The following MB variants were observed in gnomAD, a reference collection of about 807,000 sequenced individuals.
MB encodes nitrite reductase MB.
In MB, 10 loss-of-function variants were observed where a neutral mutation model predicts 14.5. The ratio of observed to expected loss-of-function variants is 0.69; its 90% CI spans 0.43 to 1.17. The LOEUF (loss-of-function observed/expected upper bound fraction) is 1.17. Ranked by LOEUF, MB falls within the 50% of genes most tolerant of loss-of-function variation. MB has a pLI of 0.00. For missense variants in MB, 169 were observed against 192.7 expected, an observed-to-expected ratio of 0.88 and a Z score of 0.73; for synonymous variants, 89 against 78.6, an observed-to-expected ratio of 1.13 and a Z score of -0.70.
chr22:35,606,991 G>A lies in MB; in HGVS notation c.*306C>T, dbSNP rs762499159. ...TTGGATTTGGGGTTACAGCCAGTTTGGAGGTTGGAAGAAGTTCGGTTGGGA... is the reference window on the plus strand; with the variant it reads ...TTGGATTTGGGGTTACAGCCAGTTTAGAGGTTGGAAGAAGTTCGGTTGGGA... On this transcript the variant is annotated 3_prime_UTR_variant, in exon 3 of 3. Transcript: ENST00000397326. 5 of 267,380 alleles carry A rather than the reference G, an allele frequency of 1.9e-5. No individual in the cohort carries two copies. Among genetic ancestry groups the A allele is most frequent in the Admixed American group, 5.0e-5 (1 of 20,012 alleles). 16.6% of individuals were successfully genotyped at this position (267,380 alleles called of 1,614,324 possible).
chr22:35,617,431 C>G, upstream of MB: 1 of 601,798 alleles, frequency 1.7e-6, no homozygotes, highest in South Asian at 2.0e-5. Context: ...TTCACTTTCT[C>G]TCTCTCATCC....
At chr22:35,620,126 G>T (rs566905583), upstream of MB, among the ~76,000 whole-genome samples, 21 of 152,360 alleles carry the variant, frequency 1.4e-4, 1 homozygote, top group South Asian at 4.3e-3. Flanking sequence ...ACAAGGTCAA[G>T]AGATCGAGAC....
intron 1 of MB, among the ~76,000 whole-genome samples, chr22:35,612,919 A>G (rs1210551538): frequency 6.6e-6 from 1 of 152,122 alleles, no homozygotes; most frequent in Non-Finnish European, 1.5e-5. Context: ...AGCACACGCC[A>G]TACTCACCTG....
chr22:35,615,036 A>T (rs953405051), intron 1 of MB, among the ~76,000 whole-genome samples: 1 of 152,174 alleles, frequency 6.6e-6, no homozygotes, highest in Non-Finnish European at 1.5e-5. Flanking sequence ...CAGAATCTCC[A>T]AGTGACCTTC....
chr22:35,607,245 G>A lies in MB; in HGVS notation c.*52C>T, dbSNP rs112993677. 1.5e-5 allele frequency: 24 copies of A among 1,572,042 alleles called. No individual in the cohort carries two copies. The highest frequency in any genetic ancestry group is 9.0e-5 in the Admixed American group (5 of 55,638). ...ATATGGCTACACGAGATCAGACCCC[G>A]CTCTCTCTTGAACCCGGGGCCCAGA... On this transcript the variant is annotated 3_prime_UTR_variant, in exon 3 of 3. Transcript: ENST00000397326.
chr22:35,607,279 G>T lies in MB; in HGVS notation c.*18C>A. The T allele has an allele frequency of 1.2e-6, 2 of 1,606,078 alleles. No individual in the cohort carries two copies. The highest frequency in any genetic ancestry group is 3.4e-5 in the Admixed American group (2 of 59,686). On this transcript the variant is annotated 3_prime_UTR_variant, in exon 3 of 3. Transcript: ENST00000397326. Reference sequence around the variant, plus strand: ...TGAACCCGGGGCCCAGATGGGTGGGGGTGGGAGCGGCAGGGGCCTAGCCCT... The same window carrying T: ...TGAACCCGGGGCCCAGATGGGTGGGTGTGGGAGCGGCAGGGGCCTAGCCCT...
At chr22:35,615,059 T>C (rs1922964033) in intron 1 of MB, among the ~76,000 whole-genome samples, 1 of 152,184 alleles carries the variant, frequency 6.6e-6, no homozygotes, top group Non-Finnish European at 1.5e-5. Flanking sequence ...GCTTCTGTGT[T>C]CTAGAATTTT....
chr22:35,613,257 G>A (rs1192306038), intron 1 of MB, among the ~76,000 whole-genome samples: 1 of 152,222 alleles, frequency 6.6e-6, no homozygotes, highest in Admixed American at 6.5e-5. Context: ...GGCAGCTGGG[G>A]GTCTCAGACA....
In MB at chr22:35,607,462, G is replaced by A. The variant is rs763634557; in HGVS notation, c.319-19C>T. ...AGATGAACTGCAGGGAGGGTGAGGA[G>A]AGAAAATGGTCACCAGGGTGGGACA... On this transcript the variant is annotated intron_variant, in intron 2 of 2. Transcript: ENST00000397326. The A allele has an allele frequency of 4.3e-6, 7 of 1,610,494 alleles. No homozygotes were observed. Among genetic ancestry groups the A allele is most frequent in the East Asian group, 4.5e-5 (2 of 44,796 alleles).
rs7292 is a variant in MB, at chr22:35,610,998, G to T, written c.204C>A (p.Thr68=). ...GGATGCCACCCAGGGCGGTGAGCAC[G>T]GTGGCACCATGCTTCTTTAAGTCCT... ...ASEDLKKHGA[T]VLTALGGILK... The change falls in exon 2 of 3, where the codon ACC becomes ACA. Residue 68 remains threonine, a synonymous_variant. Transcript: ENST00000397326. 3 of 1,613,870 alleles carry T rather than the reference G, an allele frequency of 1.9e-6. No individual in the cohort carries two copies.
At chr22:35,615,544 A>T (rs1043600320) in intron 1 of MB, 1 of 152,148 alleles carries the variant, frequency 6.6e-6, no homozygotes, top group African/African-American at 2.4e-5. Context: ...CCTTGGAAAG[A>T]CCTCTGCTCT....
At chr22:35,615,934 G>A (rs981370311) in intron 1 of MB, among the ~76,000 whole-genome samples, 15 of 152,086 alleles carry the variant, frequency 9.9e-5, no homozygotes, top group African/African-American at 3.1e-4. Context: ...TTTCTAGCAC[G>A]GATCACCAAC....
intron 2 of MB, among the ~76,000 whole-genome samples, chr22:35,610,590 C>T (rs1304622143): frequency 6.6e-6 from 1 of 152,170 alleles, no homozygotes; most frequent in East Asian, 1.9e-4. Context: ...GGTACCTACC[C>T]ATGGAGAGGA....
rs143542267 is a variant in MB, at chr22:35,607,261, G to A, written c.*36C>T. On this transcript the variant is annotated 3_prime_UTR_variant, in exon 3 of 3. Coordinates refer to ENST00000397326, the MANE Select transcript of MB (RefSeq NM_005368.3). ...TCAGACCCCGCTCTCTCTTGAACCC[G>A]GGGCCCAGATGGGTGGGGGTGGGAG... The A allele has an allele frequency of 1.1e-4, 180 of 1,592,906 alleles. 1 individual carries two copies. In the African/African-American group the frequency reaches 1.9e-3, roughly 17 times the overall value.
At chr22:35,616,767 A>C (rs1377260445) in intron 1 of MB, among the ~76,000 whole-genome samples, 1 of 152,146 alleles carries the variant, frequency 6.6e-6, no homozygotes, top group African/African-American at 2.4e-5. Context: ...TTGACACTTT[A>C]AGAGCATTTA....
chr22:35,617,854 A>G (rs143534689), upstream of MB, among the ~76,000 whole-genome samples: 26 of 152,320 alleles, frequency 1.7e-4, no homozygotes, highest in African/African-American at 6.3e-4. Flanking sequence ...GGTCCCAGGC[A>G]AGTCCACAAT....
intron 1 of MB, among the ~76,000 whole-genome samples, chr22:35,615,019 C>G (rs2145920426): frequency 6.6e-6 from 1 of 152,330 alleles, no homozygotes; most frequent in East Asian, 1.9e-4. Context: ...AGCCCCACTC[C>G]TGGAGCCAGA....
chr22:35,622,873 G>A (rs879347541), intron 1 of MB, among the ~76,000 whole-genome samples: 13 of 151,968 alleles, frequency 8.6e-5, no homozygotes, highest in African/African-American at 2.2e-4. Context: ...GCATAGGAAC[G>A]GCTCCCCTGC....
In MB at chr22:35,608,288, C is replaced by A. The variant is rs1193667209; in HGVS notation, c.319-845G>T. On this transcript the variant is annotated intron_variant, in intron 2 of 2. Transcript: ENST00000397326. This position sits in a 1 kb window ranked among gnomAD's most constrained non-coding sequence, Gnocchi z 4.3. ...CCCTGGCTGGTGCACCAAGGAGTGTCGTTTTACAGAGGAGAAAATCAAGTG... is the reference window on the plus strand; with the variant it reads ...CCCTGGCTGGTGCACCAAGGAGTGTAGTTTTACAGAGGAGAAAATCAAGTG... Among the ~76,000 whole-genome samples the A allele has an allele frequency of 6.6e-6, 1 of 152,156 alleles. No individual in the cohort carries two copies. Among genetic ancestry groups the A allele is most frequent in the Non-Finnish European group, 1.5e-5 (1 of 68,030 alleles).
Sources: allele counts gnomAD v4.1 joint callset (sites outside exome capture counted in the v4.1 genomes callset), GRCh38; gene constraint gnomAD v4.1.1; non-coding constraint Gnocchi (gnomAD v3.1); transcripts MANE v1.5; gene names NCBI Gene and HGNC (gene_info 2026-07-23, HGNC 2026-07-21).